The following DNAH11 variants were observed in gnomAD, a reference collection of about 807,000 sequenced individuals.
The protein encoded by DNAH11 is axonemal beta dynein heavy chain 11.
Under a neutral mutation model 526.0 loss-of-function variants are expected in DNAH11, and 442 were observed. The ratio of observed to expected loss-of-function variants is 0.84; its 90% CI spans 0.78 to 0.91. The LOEUF is 0.91. Among genes scored for constraint, DNAH11 ranks in the 40% least tolerant of loss-of-function variants. The pLI is 0.00. For synonymous variants in DNAH11, 2,461 were observed against 1,935.9 expected (o/e 1.27, Z -7.12); for missense variants, 6,989 against 5,448.7 (o/e 1.28, Z -8.90).
At chr7:21,718,665 A>T (rs2128483255) in intron 43 of DNAH11, among the ~76,000 whole-genome samples, 1 of 152,320 alleles carries the variant, frequency 6.6e-6, no homozygotes, top group South Asian at 2.1e-4. Context: ...GCATGAAGAA[A>T]AACTATCCCC....
chr7:21,643,869 G>T lies in DNAH11; in HGVS notation c.4944+4804G>T, dbSNP rs1190512109. On this transcript the variant is annotated intron_variant, in intron 28 of 81. Transcript: ENST00000409508. ...CACATGTTGAATGATAATATTTTGG[G>T]ATATACTGGATTAAATATACATTAA... Among the ~76,000 whole-genome samples the T allele has an allele frequency of 2.0e-5, 3 of 152,176 alleles. No individual in the cohort carries two copies. The East Asian group carries it at 5.8e-4, about 29-fold the overall frequency.
intron 25 of DNAH11, among the ~76,000 whole-genome samples, chr7:21,624,997 C>T (rs1360496943): frequency 6.6e-6 from 1 of 151,818 alleles, no homozygotes; most frequent in East Asian, 1.9e-4. Context: ...TTCTAATTTT[C>T]TTTACTTGTG....
chr7:21,543,803 A>G (rs975049034), intron 1 of DNAH11: 17 of 597,128 alleles, frequency 2.8e-5, no homozygotes, highest in Non-Finnish European at 4.4e-5. Flanking sequence ...TTCCTAAGTC[A>G]GCAGTTTGTA....
intron 68 of DNAH11, among the ~76,000 whole-genome samples, chr7:21,858,854 A>G (rs1322767837): frequency 2.6e-5 from 4 of 152,202 alleles, no homozygotes; most frequent in Non-Finnish European, 5.9e-5. Flanking sequence ...TGCATATAAT[A>G]GGCACATTTT....
At chr7:21,900,966 C>A in intron 81 of DNAH11, 41 bp from the exon 82 acceptor site, 1 of 1,523,448 alleles carries the variant, frequency 6.6e-7, no homozygotes, top group Non-Finnish European at 8.8e-7. Context: ...TCATTAGTAG[C>A]AAGCTGCCAC....
rs150379961 is a variant in DNAH11, at chr7:21,614,934, T to C, written c.3853-180T>C. 5.3e-5 allele frequency among the ~76,000 whole-genome samples: 8 copies of C among 152,356 alleles called. No individual in the cohort carries two copies. In the East Asian group the frequency reaches 1.3e-3, roughly 26 times the overall value. On this transcript the variant is annotated intron_variant, in intron 20 of 81. Coordinates refer to ENST00000409508, the MANE Select transcript of DNAH11 (RefSeq NM_001277115.2). ...GTTTAACAGTAATCTGTTCTCACTT[T>C]TTGTGCAGCTGAGTTTGCTCTTCTA...
intron 25 of DNAH11, among the ~76,000 whole-genome samples, chr7:21,621,166 A>C (rs554256074): frequency 6.6e-6 from 1 of 152,214 alleles, no homozygotes; most frequent in African/African-American, 2.4e-5. Context: ...GTTGAATACA[A>C]ACTACCATCA....
In DNAH11 at chr7:21,844,060, G is replaced by A. The variant is rs138619068; in HGVS notation, c.10896+1312G>A. Among the ~76,000 whole-genome samples the A allele has an allele frequency of 5.3e-3, 803 of 152,210 alleles. 5 individuals are homozygous for A. The highest frequency in any genetic ancestry group is 0.018 in the African/African-American group (753 of 41,526). On this transcript the variant is annotated intron_variant, in intron 66 of 81. Transcript: ENST00000409508. ...TTTTCTTAGTATAAATCAGGGGTCC[G>A]CAAACTGTGGCTTCCATGCCTAATT...
At chr7:21,637,248 C>T (rs1273333084) in intron 26 of DNAH11, among the ~76,000 whole-genome samples, 1 of 151,858 alleles carries the variant, frequency 6.6e-6, no homozygotes, top group African/African-American at 2.4e-5. Context: ...CCCCTCTGCC[C>T]CCACCTCCTC....
In DNAH11 at chr7:21,681,589, T is replaced by G; in HGVS notation, c.5372T>G (p.Leu1791Arg). Reference protein sequence around the residue: ...NTLITLLLGELPPGDRQKIMT... With the variant: ...NTLITLLLGERPPGDRQKIMT... ...CTGATTACACTTTTGCTGGGAGAAC[T>G]TCCACCTGGAGACAGACAGAAGATC... Residue 1791 changes from leucine (L) to arginine (R), a missense_variant, in exon 31 of 82, where the codon CTT (leucine) becomes CGT (arginine). Physicochemically the swap from Leu to Arg is moderately radical, Grantham distance 102. Transcript: ENST00000409508. The G allele has an allele frequency of 6.2e-7, 1 of 1,613,930 alleles. No individual in the cohort carries two copies. Among genetic ancestry groups the G allele is most frequent in the Non-Finnish European group, 8.5e-7 (1 of 1,179,820 alleles).
chr7:21,696,429 G>T (rs1207349122), intron 35 of DNAH11, among the ~76,000 whole-genome samples: 1 of 152,032 alleles, frequency 6.6e-6, no homozygotes, highest in Non-Finnish European at 1.5e-5. Context: ...CCTCATAACA[G>T]CTTTCTCTAG....
rs1785016010 is a variant in DNAH11 at position 21,600,038 on chromosome 7, A to G, written c.2919A>G (p.Val973=). 1.9e-6 allele frequency: 3 copies of G among 1,611,352 alleles called. No individual in the cohort carries two copies. Among genetic ancestry groups the G allele is most frequent in the Non-Finnish European group, 2.5e-6 (3 of 1,178,384 alleles). The change falls in exon 15 of 82, where the codon GTA becomes GTG. Residue 973 remains valine, a synonymous_variant. Transcript: ENST00000409508. ...CTGGGGATGGCTTCTATGATCTTGT[A>G]GAAGAAATGTTATGCAATAGTTTTA... is the stretch of plus-strand genomic sequence containing the variant. ...REAGDGFYDL[V]EEMLCNSFRM...
intron 45 of DNAH11, 88 bp from the exon 46 acceptor site, chr7:21,735,552 A>G (rs1785564834): frequency 9.3e-7 from 1 of 1,079,308 alleles, no homozygotes; most frequent in Non-Finnish European, 1.4e-6. Context: ...GACTGTGTTG[A>G]GTTTGATATA....
chr7:21,591,543 A>G lies in DNAH11; in HGVS notation c.2633A>G (p.Gln878Arg), dbSNP rs1784690073. 1.9e-6 allele frequency: 3 copies of G among 1,585,810 alleles called. No individual in the cohort carries two copies. The East Asian group carries it at 6.8e-5, about 36-fold the overall frequency. ...TTTACAAAAAAATACAAGTTAATCC[A>G]AGGAGATGGCTGCAAGATCCACAAC... ...DLFTKKYKLI[Q>R]GDGCKIHNLV... is the part of the protein sequence containing the mutation. The change falls in exon 14 of 82, where the codon CAA becomes CGA. Residue 878 changes from glutamine (Q) to arginine (R), a missense_variant. Gln to Arg is a conservative substitution (Grantham distance 43). Transcript: ENST00000409508.
rs749124585 is a variant in DNAH11 at position 21,852,583 on chromosome 7, A to G, written c.11013A>G (p.Val3671=). 1.2e-6 allele frequency: 2 copies of G among 1,608,722 alleles called. No homozygotes were observed. Among genetic ancestry groups the G allele is most frequent in the Non-Finnish European group, 1.7e-6 (2 of 1,178,424 alleles). ...GCTTTCTGGATGACACCAAACTGGT[A>G]GAGAGATTGGAGGCAACAAAGACCA... ...EGSFLDDTKL[V]ERLEATKTTV... is the part of the protein sequence containing the mutation. The change falls in exon 67 of 82, where the codon GTA becomes GTG. Residue 3671 remains valine (V), a synonymous_variant. Transcript: ENST00000409508.
At chr7:21,721,928 G>A (rs1423333808) in intron 44 of DNAH11, among the ~76,000 whole-genome samples, 4 of 152,072 alleles carry the variant, frequency 2.6e-5, no homozygotes, top group African/African-American at 9.7e-5. Context: ...CTTTTTCACT[G>A]ATCTTTTTTT....
intron 56 of DNAH11, among the ~76,000 whole-genome samples, chr7:21,775,474 C>G (rs753606939): frequency 6.6e-6 from 1 of 151,844 alleles, no homozygotes; most frequent in African/African-American, 2.4e-5. Context: ...TTTAATGAGC[C>G]GAGCATGGTG....
chr7:21,698,029 A>G (rs1315245580), intron 35 of DNAH11, 46 bp from the exon 36 acceptor site: 3 of 1,566,660 alleles, frequency 1.9e-6, no homozygotes. Flanking sequence ...ATTTGTACTT[A>G]TCACCTTGTC....
At chr7:21,885,953 C>T (rs1013753033) in intron 76 of DNAH11, among the ~76,000 whole-genome samples, 3 of 152,118 alleles carry the variant, frequency 2.0e-5, no homozygotes, top group Admixed American at 1.3e-4. Context: ...GTTTCTCGTA[C>T]TACAGAGGGT....
Sources: gnomAD v4.1 joint callset for allele counts (sites outside exome capture counted in the v4.1 genomes callset) on GRCh38, gnomAD v4.1.1 for gene constraint, MANE v1.5 for transcripts, NCBI Gene and HGNC (gene_info 2026-07-23, HGNC 2026-07-21) for gene names.